The following NKAIN2 variants were observed in gnomAD, a reference collection of about 807,000 sequenced individuals.
NKAIN2 encodes the protein sodium/potassium-transporting ATPase subunit beta-1-interacting protein 2.
NKAIN2 carries 14 observed loss-of-function variants against 32.6 expected under a neutral mutation model. The ratio of observed to expected loss-of-function variants is 0.43; its 90% CI spans 0.28 to 0.67. The LOEUF (loss-of-function observed/expected upper bound fraction) is 0.67, where lower values mean the gene tolerates loss of function less well. Ranked by LOEUF, NKAIN2 falls within the 30% of genes least tolerant of loss-of-function variation. The pLI is 0.17. For missense variants in NKAIN2, 198 were observed against 258.3 expected (o/e 0.77, Z 1.60); for synonymous variants, 80 against 87.2 (o/e 0.92, Z 0.46).
intron 3 of NKAIN2, among the ~76,000 whole-genome samples, chr6:124,475,376 A>C (rs2114684322): frequency 6.6e-6 from 1 of 152,282 alleles, no homozygotes; most frequent in African/African-American, 2.4e-5. Flanking sequence ...CTTCTGAAAT[A>C]ACATAACAGT....
At chr6:123,975,181 A>G (rs990084528) in intron 1 of NKAIN2, among the ~76,000 whole-genome samples, 1 of 152,216 alleles carries the variant, frequency 6.6e-6, no homozygotes, top group Non-Finnish European at 1.5e-5. Context: ...AGGTAAAATA[A>G]AATAACCCAC....
At chr6:124,146,463 G>A (rs1407120329) in intron 1 of NKAIN2, among the ~76,000 whole-genome samples, 4 of 152,110 alleles carry the variant, frequency 2.6e-5, no homozygotes, top group South Asian at 2.1e-4. Flanking sequence ...GGAGGAGTGC[G>A]AGTTGAAACA....
chr6:123,893,166 T>C (rs1774101545), intron 1 of NKAIN2, among the ~76,000 whole-genome samples: 1 of 152,104 alleles, frequency 6.6e-6, no homozygotes, highest in Non-Finnish European at 1.5e-5. Flanking sequence ...TTTTTCCTTA[T>C]TGTGTTGAAA....
chr6:124,108,443 T>C (rs1416714557), intron 1 of NKAIN2, among the ~76,000 whole-genome samples: 1 of 152,064 alleles, frequency 6.6e-6, no homozygotes, highest in Non-Finnish European at 1.5e-5. Context: ...ATTGGATATA[T>C]AGTTTGTAAA....
intron 1 of NKAIN2, among the ~76,000 whole-genome samples, chr6:124,106,393 T>C (rs1234560321): frequency 1.3e-5 from 2 of 152,194 alleles, no homozygotes; most frequent in African/African-American, 2.4e-5. Flanking sequence ...AACACTATTA[T>C]TGTAGTATGT....
At chr6:124,331,462 G>C (rs13202306) in intron 2 of NKAIN2, among the ~76,000 whole-genome samples, 1 of 137,868 alleles carries the variant, frequency 7.3e-6, no homozygotes, top group African/African-American at 2.7e-5. Flanking sequence ...CTGCGAGGCA[G>C]ACCTTGCAGT....
chr6:124,116,077 C>A (rs777591858), intron 1 of NKAIN2, among the ~76,000 whole-genome samples: 2 of 152,046 alleles, frequency 1.3e-5, no homozygotes, highest in Admixed American at 6.6e-5. Context: ...AAAGCACGTT[C>A]AGCTCTTAGA....
intron 3 of NKAIN2, among the ~76,000 whole-genome samples, chr6:124,454,362 G>A (rs1327379202): frequency 2.6e-5 from 4 of 152,008 alleles, no homozygotes; most frequent in Admixed American, 2.0e-4. Context: ...AGAGGTGAAA[G>A]TAAATTGGCA....
intron 1 of NKAIN2, among the ~76,000 whole-genome samples, chr6:124,024,403 G>A (rs796181942): frequency 1.2e-4 from 18 of 152,104 alleles, no homozygotes; most frequent in African/African-American, 3.9e-4. Flanking sequence ...GCTGAACGTC[G>A]GCCTCTCCCA....
At chr6:124,536,315 C>T (rs6930564) in intron 3 of NKAIN2, among the ~76,000 whole-genome samples, 153 of 152,254 alleles carry the variant, frequency 1.0e-3, no homozygotes, top group African/African-American at 3.5e-3. Flanking sequence ...AGCAGGCCAG[C>T]CCTAGGCAAA....
At chr6:124,581,312 GC>G (rs1363575259) in intron 3 of NKAIN2, among the ~76,000 whole-genome samples, 1 of 151,568 alleles carries the variant, frequency 6.6e-6, no homozygotes, top group Non-Finnish European at 1.5e-5. Context: ...GGTGGCGGGC[GC>G]CTGTAGTCCC....
chr6:124,356,024 G>C (rs935644470), intron 3 of NKAIN2, among the ~76,000 whole-genome samples: 4 of 152,090 alleles, frequency 2.6e-5, no homozygotes, highest in African/African-American at 9.7e-5. Flanking sequence ...ATCCATTCAA[G>C]GTAGTAGCAA....
intron 1 of NKAIN2, among the ~76,000 whole-genome samples, chr6:124,178,724 G>A (rs1789289972): frequency 6.6e-6 from 1 of 152,170 alleles, no homozygotes; most frequent in Non-Finnish European, 1.5e-5. Flanking sequence ...AGGTGACAGA[G>A]CTATTCTTTT....
chr6:124,408,174 T>A (rs2114482984), intron 3 of NKAIN2, among the ~76,000 whole-genome samples: 1 of 152,232 alleles, frequency 6.6e-6, no homozygotes, highest in East Asian at 1.9e-4. Flanking sequence ...GTAGTTTGTT[T>A]TGCTGTGCAG....
At chr6:124,723,339 G>A (rs1346590068) in intron 4 of NKAIN2, among the ~76,000 whole-genome samples, 2 of 152,184 alleles carry the variant, frequency 1.3e-5, no homozygotes, top group Non-Finnish European at 1.5e-5. Context: ...GAATTGATGG[G>A]AAACTATAAG....
At chr6:124,576,037 T>C (rs938254699) in intron 3 of NKAIN2, among the ~76,000 whole-genome samples, 3 of 152,194 alleles carry the variant, frequency 2.0e-5, no homozygotes, top group East Asian at 3.8e-4. Context: ...TTTACCAACA[T>C]GGATTCACAT....
intron 4 of NKAIN2, among the ~76,000 whole-genome samples, chr6:124,732,490 C>T (rs1050379952): frequency 1.3e-5 from 2 of 152,046 alleles, no homozygotes; most frequent in South Asian, 2.1e-4. Context: ...CTGTGGTAAA[C>T]ATTAGCTCAT....
chr6:124,278,007 A>G (rs1795118815), intron 1 of NKAIN2, among the ~76,000 whole-genome samples: 1 of 152,110 alleles, frequency 6.6e-6, no homozygotes. Context: ...TAAAAATAAT[A>G]TTATAGTAAT....
chr6:124,192,781 G>T (rs368584376), intron 1 of NKAIN2, among the ~76,000 whole-genome samples: 1 of 114,202 alleles, frequency 8.8e-6, no homozygotes, highest in East Asian at 2.7e-4. Context: ...ACAGAGTCTC[G>T]CTCTGTCGCC....
Sources: allele counts gnomAD v4.1 joint callset (sites outside exome capture counted in the v4.1 genomes callset), GRCh38; gene constraint gnomAD v4.1.1; transcripts MANE v1.5; gene names NCBI Gene and HGNC (gene_info 2026-07-23, HGNC 2026-07-21).